Variants in TMEM245 observed in about 807,000 individuals in gnomAD.
TMEM245 encodes protein CG-2.
In TMEM245, 69 loss-of-function variants were observed where a neutral mutation model predicts 101.2. The ratio of observed to expected loss-of-function variants is 0.68; its 90% confidence interval spans 0.56 to 0.83. TMEM245 has a LOEUF of 0.83. TMEM245 is among the 40% of genes least tolerant of loss of function. The probability of loss-of-function intolerance (pLI) is 0.00; values close to 1 mark genes in which losing one functional copy is unlikely to be tolerated. For synonymous variants in TMEM245, 537 were observed against 449.8 expected (o/e 1.19, Z -2.45); for missense variants, 1,075 against 1,092.8 (o/e 0.98, Z 0.23).
At chr9:109,087,682 T>C (rs778247895) in intron 5 of TMEM245, among the ~76,000 whole-genome samples, 3 of 152,228 alleles carry the variant, frequency 2.0e-5, no homozygotes, top group Non-Finnish European at 4.4e-5. Context: ...ATATTCCCCC[T>C]TCCTGGGTAA....
chr9:109,073,378 C>A lies in TMEM245; in HGVS notation c.1510G>T (p.Ala504Ser), dbSNP rs561079659. ...VTSNLINETL[A>S]NHPEWANWLP... is the part of the protein sequence containing the mutation. ...TACTTTGCCCACTCAGGGTGATTTG[C>A]TAGAGTTTCATTAATCAAATTACTT... The change falls in exon 9 of 18, where the codon GCA (alanine) becomes TCA (serine). Residue 504 changes from alanine to serine, a missense_variant. Transcript: ENST00000374586. 14 of 1,612,960 alleles carry A rather than the reference C, an allele frequency of 8.7e-6. No individual in the cohort carries two copies. The South Asian group carries it at 1.4e-4, about 16-fold the overall frequency.
intron 8 of TMEM245, among the ~76,000 whole-genome samples, chr9:109,074,464 G>A (rs1418240487): frequency 1.3e-5 from 2 of 152,262 alleles, no homozygotes; most frequent in South Asian, 2.1e-4. Context: ...CGATTCACGA[G>A]TAACAGGGAG....
At chr9:109,044,531 T>C (rs1243648611) in intron 14 of TMEM245, among the ~76,000 whole-genome samples, 1 of 152,174 alleles carries the variant, frequency 6.6e-6, no homozygotes, top group Non-Finnish European at 1.5e-5. Context: ...CCCAGTATTC[T>C]AGCCTCACTG....
At chr9:109,063,935 A>G (rs1829089916) in intron 10 of TMEM245, among the ~76,000 whole-genome samples, 1 of 152,240 alleles carries the variant, frequency 6.6e-6, no homozygotes, top group African/African-American at 2.4e-5. Flanking sequence ...ATGCTACAGT[A>G]GAAACAAAGG....
intron 14 of TMEM245, among the ~76,000 whole-genome samples, chr9:109,040,774 T>C (rs545947899): frequency 2.6e-5 from 4 of 152,176 alleles, no homozygotes; most frequent in Non-Finnish European, 4.4e-5. Flanking sequence ...CAGTAGTTGG[T>C]TCCTTTTTTA....
At chr9:109,048,913 C>T (rs531672578) in intron 14 of TMEM245, among the ~76,000 whole-genome samples, 2 of 152,192 alleles carry the variant, frequency 1.3e-5, no homozygotes, top group Admixed American at 6.5e-5. Context: ...AGATAAACAA[C>T]GATTCTGCAT....
At chr9:109,029,770 G>C (rs1225518302) in intron 17 of TMEM245, among the ~76,000 whole-genome samples, 1 of 152,194 alleles carries the variant, frequency 6.6e-6, no homozygotes, top group African/African-American at 2.4e-5. Context: ...CACTCCACTG[G>C]GGCAGACCAG....
At chr9:109,067,754 T>G (rs2132465230) in intron 9 of TMEM245, among the ~76,000 whole-genome samples, 1 of 152,228 alleles carries the variant, frequency 6.6e-6, no homozygotes, top group African/African-American at 2.4e-5. Context: ...ATGATCCTAA[T>G]CTGTCTAATT....
Position 109,119,615 on chromosome 9 carries a change from G to C in TMEM245, c.299C>G (p.Ser100Trp). 1 of 1,559,310 alleles carries C rather than the reference G, an allele frequency of 6.4e-7. No homozygotes were observed. The highest frequency in any genetic ancestry group is 1.2e-5 in the South Asian group (1 of 84,896). Residue 100 changes from serine (S) to tryptophan (W), a missense_variant, in exon 1 of 18, where the codon TCG (serine) becomes TGG (tryptophan). This residue lies in a region of TMEM245 where 808 missense variants were observed against 741.5 expected (regional missense o/e 1.09). Transcript: ENST00000374586. ...CGTFLHPFKS[S>W]LTRLGRHWLQ... ...CCAGTGGCGGCCCAGGCGCGTCAGCGAGCTCTTGAAGGGGTGCAGAAAAGT... is the reference window on the plus strand; with the variant it reads ...CCAGTGGCGGCCCAGGCGCGTCAGCCAGCTCTTGAAGGGGTGCAGAAAAGT...
chr9:109,073,752 T>C (rs772721029), intron 8 of TMEM245, among the ~76,000 whole-genome samples: 2 of 152,194 alleles, frequency 1.3e-5, no homozygotes, highest in Non-Finnish European at 2.9e-5. Flanking sequence ...ATCGTATAAA[T>C]GTGTTTGTGT....
chr9:109,105,975 T>C (rs1830404765), intron 3 of TMEM245, among the ~76,000 whole-genome samples: 1 of 152,156 alleles, frequency 6.6e-6, no homozygotes, highest in African/African-American at 2.4e-5. Flanking sequence ...GGTTTCACCA[T>C]ATTGGCCAGG....
chr9:109,024,698 G>C (rs1487161049), intron 17 of TMEM245, among the ~76,000 whole-genome samples: 1 of 152,102 alleles, frequency 6.6e-6, no homozygotes, highest in Non-Finnish European at 1.5e-5. Flanking sequence ...CTTTACAGAG[G>C]GGACAACACT....
At chr9:109,100,444 C>T (rs1830255710) in intron 3 of TMEM245, among the ~76,000 whole-genome samples, 1 of 152,152 alleles carries the variant, frequency 6.6e-6, no homozygotes, top group Non-Finnish European at 1.5e-5. Context: ...CATCTTCAAC[C>T]CTCCCAGTAG....
At chr9:109,080,710 C>T (rs1261710823) in intron 8 of TMEM245, 129 bp downstream of exon 8, 1 of 570,164 alleles carries the variant, frequency 1.8e-6, no homozygotes, top group East Asian at 3.1e-5. Context: ...AATCATAAAT[C>T]CTTTAGCTAT....
chr9:109,043,030 T>C (rs868586012), intron 14 of TMEM245, among the ~76,000 whole-genome samples: 5 of 152,018 alleles, frequency 3.3e-5, no homozygotes, highest in African/African-American at 1.2e-4. Context: ...TGTTATGTGC[T>C]GTGCATATGC....
chr9:109,083,357 C>T (rs79215781), intron 7 of TMEM245, among the ~76,000 whole-genome samples: 1,577 of 152,274 alleles, frequency 0.01, 18 homozygotes, highest in South Asian at 0.026. Context: ...TCCTGTCCCA[C>T]GTTCTGCTTT....
chr9:109,043,525 T>C (rs1828381218), intron 14 of TMEM245, among the ~76,000 whole-genome samples: 1 of 152,220 alleles, frequency 6.6e-6, no homozygotes, highest in Non-Finnish European at 1.5e-5. Context: ...GGGACCTTTT[T>C]CTTCAGTGAT....
At chr9:109,051,720 C>T (rs1038876203) in intron 12 of TMEM245, among the ~76,000 whole-genome samples, 5 of 152,144 alleles carry the variant, frequency 3.3e-5, no homozygotes, top group Non-Finnish European at 7.4e-5. Context: ...ATGACTTTAC[C>T]TCCTGGGGAA....
At chr9:109,064,628 G>T in intron 9 of TMEM245, 61 bp from the exon 10 acceptor site, 2 of 1,399,136 alleles carry the variant, frequency 1.4e-6, no homozygotes, top group Non-Finnish European at 1.0e-6. Flanking sequence ...TACCAATAAT[G>T]CTTTGAACTT....
Sources: allele counts gnomAD v4.1 joint callset (sites outside exome capture counted in the v4.1 genomes callset), GRCh38; gene constraint gnomAD v4.1.1; regional missense constraint gnomAD v4.1.1; transcripts MANE v1.5; gene names NCBI Gene and HGNC (gene_info 2026-07-23, HGNC 2026-07-21).